Variants in CRHBP observed in about 807,000 individuals in gnomAD.
CRHBP encodes the protein corticotropin releasing hormone binding protein.
Under a neutral mutation model 34.9 loss-of-function variants are expected in CRHBP, and 19 were observed. The observed-to-expected ratio is 0.55, with a 90% CI of 0.38 to 0.80. The LOEUF is 0.80. CRHBP is among the 30% of genes least tolerant of loss of function. The pLI, the probability that CRHBP is intolerant of heterozygous loss-of-function variation, is 0.00. For missense variants in CRHBP, 328 were observed against 409.2 expected, an observed-to-expected ratio of 0.80 and a Z score of 1.71; for synonymous variants, 154 against 153.4, an observed-to-expected ratio of 1.00 and a Z score of -0.03.
intron 6 of CRHBP, among the ~76,000 whole-genome samples, chr5:76,967,823 C>A (rs973090550): frequency 6.6e-6 from 1 of 151,756 alleles, no homozygotes; most frequent in Non-Finnish European, 1.5e-5. Context: ...CTCAGCCTCC[C>A]GAGTAGCTGG....
chr5:76,979,167 CTTCTTTTCTT>C (rs1746082483), intron 3 of CRHBP, among the ~76,000 whole-genome samples: 1 of 151,960 alleles, frequency 6.6e-6, no homozygotes, highest in African/African-American at 2.4e-5. Flanking sequence ...TTTCTTGTCT[CTTCTTTTCTT>C]TTCCTTTTTT....
intron 5 of CRHBP, chr5:76,959,146 A>G (rs1462807061): frequency 5.6e-6 from 2 of 354,154 alleles, no homozygotes; most frequent in African/African-American, 2.1e-5. Flanking sequence ...AGTGTTTTCA[A>G]TTGGTAAAGT....
chr5:76,961,248 C>T (rs74657068), intron 5 of CRHBP, among the ~76,000 whole-genome samples: 2,563 of 152,332 alleles, frequency 0.017, 71 homozygotes, highest in African/African-American at 0.057. Context: ...AATCATTGAA[C>T]AGCAAGGAAT....
intron 4 of CRHBP, among the ~76,000 whole-genome samples, chr5:76,958,075 C>T (rs1745717131): frequency 6.6e-6 from 1 of 151,822 alleles, no homozygotes; most frequent in Non-Finnish European, 1.5e-5. Context: ...AGGAGAATCA[C>T]TTGAACCCGG....
intron 5 of CRHBP, among the ~76,000 whole-genome samples, chr5:76,960,125 C>G (rs1745753644): frequency 6.6e-6 from 1 of 152,148 alleles, no homozygotes; most frequent in African/African-American, 2.4e-5. Context: ...GTGATAAGTG[C>G]TATACAGAAA....
rs565426884 is a variant in CRHBP, at chr5:76,958,636, C to G, written c.545-105C>G. ...ATATGCTCTCTTCCTGGGCAGAAGG[C>G]CCTAGATCATGAACAGGAGCCCTAG... On this transcript the variant is annotated intron_variant, in intron 4 of 6. Coordinates refer to ENST00000274368, the MANE Select transcript of CRHBP (RefSeq NM_001882.4). 5.4e-6 allele frequency: 7 copies of G among 1,284,476 alleles called. No individual in the cohort carries two copies. The African/African-American group carries it at 9.0e-5, about 17-fold the overall frequency. 79.6% of individuals were successfully genotyped at this position (1,284,476 alleles called of 1,614,324 possible).
chr5:76,967,181 G>A (rs949662826), intron 6 of CRHBP, among the ~76,000 whole-genome samples: 6 of 152,120 alleles, frequency 3.9e-5, no homozygotes, highest in African/African-American at 1.4e-4. Flanking sequence ...GGCAGAGGTT[G>A]CAGCGAGCCA....
At chr5:76,971,882 C>T (rs182500782), downstream of CRHBP, among the ~76,000 whole-genome samples, 2 of 152,296 alleles carry the variant, frequency 1.3e-5, no homozygotes, top group East Asian at 3.9e-4. Context: ...TCTCTCACTC[C>T]TACCTATAGG....
chr5:76,962,359 C>G (rs1211620257), intron 5 of CRHBP, among the ~76,000 whole-genome samples: 1 of 152,146 alleles, frequency 6.6e-6, no homozygotes, highest in African/African-American at 2.4e-5. Context: ...TGTGGCTGCA[C>G]AGGTGGCATA....
chr5:76,955,583 C>G, intron 3 of CRHBP, 70 bp from the exon 4 acceptor site: 1 of 1,442,248 alleles, frequency 6.9e-7, no homozygotes, highest in South Asian at 1.3e-5. Context: ...CTTTCCCCCC[C>G]TTTTCAACTC....
At chr5:76,969,934 C>CTTTTTTTTTTTTT (rs201228247), downstream of CRHBP, among the ~76,000 whole-genome samples, 9 of 61,632 alleles carry the variant, frequency 1.5e-4, no homozygotes, top group Non-Finnish European at 2.0e-4. Context: ...AAAGAAAATT[C>CTTTTTTTTTTTTT]TTTTTTTTTT....
At chr5:76,974,595 G>C (rs1222592169) in intron 2 of CRHBP, among the ~76,000 whole-genome samples, 3 of 152,074 alleles carry the variant, frequency 2.0e-5, no homozygotes, top group Non-Finnish European at 4.4e-5. Context: ...GAGAGTTGTG[G>C]AAAGAAATGC....
At chr5:76,966,469 G>A (rs922623184) in intron 6 of CRHBP, among the ~76,000 whole-genome samples, 1 of 152,202 alleles carries the variant, frequency 6.6e-6, no homozygotes, top group Non-Finnish European at 1.5e-5. Context: ...AGATGTGGTG[G>A]AAGGGGAGGG....
intron 3 of CRHBP, among the ~76,000 whole-genome samples, chr5:76,979,781 T>G (rs1449628325): frequency 6.6e-6 from 1 of 152,236 alleles, no homozygotes; most frequent in African/African-American, 2.4e-5. Flanking sequence ...TGACTCACCT[T>G]ATTGCAATAT....
chr5:76,964,848 TAGAC>T (rs1006065601), intron 6 of CRHBP, among the ~76,000 whole-genome samples: 1 of 152,018 alleles, frequency 6.6e-6, no homozygotes, highest in African/African-American at 2.4e-5. Flanking sequence ...AGAGCGAGAC[TAGAC>T]AGAGTGAGAT....
chr5:76,966,133 C>T (rs1304291236), intron 6 of CRHBP, among the ~76,000 whole-genome samples: 1 of 152,196 alleles, frequency 6.6e-6, no homozygotes, highest in Non-Finnish European at 1.5e-5. Flanking sequence ...ATTCTCCTGC[C>T]TCTGCCTCCC....
chr5:76,977,377 T>A (rs1489882516), intron 3 of CRHBP, among the ~76,000 whole-genome samples: 1 of 152,248 alleles, frequency 6.6e-6, no homozygotes, highest in East Asian at 1.9e-4. Context: ...CGAGCAAGTC[T>A]ATTGGTGCCA....
At chr5:76,958,155 T>C (rs7729430) in intron 4 of CRHBP, among the ~76,000 whole-genome samples, 3,145 of 150,264 alleles carry the variant, frequency 0.021, 96 homozygotes, top group African/African-American at 0.069. Context: ...CAAGATTCCA[T>C]CTCAGAAAAA....
At chr5:76,975,388 T>G (rs898124890) in intron 2 of CRHBP, among the ~76,000 whole-genome samples, 4 of 152,210 alleles carry the variant, frequency 2.6e-5, no homozygotes, top group African/African-American at 9.6e-5. Flanking sequence ...GGTAACTAGT[T>G]AATGAACTAA....
Sources: gnomAD v4.1 joint callset for allele counts (sites outside exome capture counted in the v4.1 genomes callset) on GRCh38, gnomAD v4.1.1 for gene constraint, MANE v1.5 for transcripts, NCBI Gene and HGNC (gene_info 2026-07-23, HGNC 2026-07-21) for gene names.